The following SLC16A4 variants were observed in gnomAD, a reference collection of about 807,000 sequenced individuals.
SLC16A4 encodes the protein solute carrier family 16 member 4.
A neutral mutation model predicts 47.9 loss-of-function variants in SLC16A4; 39 were observed. The ratio of observed to expected loss-of-function variants is 0.81; its 90% CI spans 0.63 to 1.06. SLC16A4 has a LOEUF of 1.06. SLC16A4 is among the 50% of genes least tolerant of loss of function. The pLI, the probability that SLC16A4 is intolerant of heterozygous loss-of-function variation, is 0.00. For missense variants in SLC16A4, 524 were observed against 573.8 expected (o/e 0.91, Z 0.89); for synonymous variants, 189 against 199.9 (o/e 0.95, Z 0.46).
At position 110,381,156 on chromosome 1, in the gene SLC16A4, C is replaced by G. The variant is rs754449435; in HGVS notation, c.365-13G>C. 6.2e-7 allele frequency: 1 copy of G among 1,612,440 alleles called. No individual in the cohort carries two copies. Among genetic ancestry groups the G allele is most frequent in the Non-Finnish European group, 8.5e-7 (1 of 1,178,846 alleles). On this transcript the variant is annotated splice_polypyrimidine_tract_variant and intron_variant, in intron 4 of 8. Transcript: ENST00000369779. ...GCAGAACCCAAACCTAAAAGAAAAACGTAATAGTTTAGAATCACTCTTACA... is the reference window on the plus strand; with the variant it reads ...GCAGAACCCAAACCTAAAAGAAAAAGGTAATAGTTTAGAATCACTCTTACA...
chr1:110,365,580 T>G (rs1413272593), intron 8 of SLC16A4, among the ~76,000 whole-genome samples: 1 of 152,176 alleles, frequency 6.6e-6, no homozygotes, highest in Non-Finnish European at 1.5e-5. Flanking sequence ...GACAAGTCTT[T>G]GTGTTATGTT....
intron 8 of SLC16A4, chr1:110,373,141 C>T (rs913589377): frequency 3.9e-5 from 6 of 152,000 alleles, no homozygotes; most frequent in African/African-American, 1.4e-4. Flanking sequence ...CTTGTCTTCT[C>T]GGAGTATTGA....
intron 8 of SLC16A4, among the ~76,000 whole-genome samples, chr1:110,366,146 TCTCA>T (rs71806665): frequency 0.4 from 59,975 of 148,666 alleles, 12,298 homozygotes; most frequent in Non-Finnish European, 0.47. Flanking sequence ...TTTCTCTCTC[TCTCA>T]CTCACTCACT....
intron 1 of SLC16A4, among the ~76,000 whole-genome samples, chr1:110,389,845 A>C (rs1662938688): frequency 6.6e-6 from 1 of 152,186 alleles, no homozygotes; most frequent in Admixed American, 6.5e-5. Flanking sequence ...GGAGCTAAAA[A>C]TTGGGTACAT....
intron 5 of SLC16A4, 95 bp from the exon 6 acceptor site, chr1:110,379,451 C>T: frequency 2.6e-6 from 3 of 1,147,448 alleles, no homozygotes; most frequent in Non-Finnish European, 3.7e-6. Flanking sequence ...CTGGCATAGC[C>T]CATTAATTCT....
At chr1:110,366,755 T>C (rs1661422032) in intron 8 of SLC16A4, among the ~76,000 whole-genome samples, 2 of 152,216 alleles carry the variant, frequency 1.3e-5, no homozygotes, top group Non-Finnish European at 2.9e-5. Flanking sequence ...CCCTGTTAAA[T>C]AACTCATGAC....
chr1:110,381,569 C>T, intron 4 of SLC16A4, 83 bp downstream of exon 4: 1 of 1,421,470 alleles, frequency 7.0e-7, no homozygotes, highest in Non-Finnish European at 9.6e-7. Context: ...GATCCACCCA[C>T]TTTGGCCTCC....
At chr1:110,366,332 G>T (rs1419492635) in intron 8 of SLC16A4, among the ~76,000 whole-genome samples, 1 of 151,858 alleles carries the variant, frequency 6.6e-6, no homozygotes, top group Non-Finnish European at 1.5e-5. Context: ...TCATTTTTTT[G>T]TATTTTTAGT....
chr1:110,389,389 C>T, intron 1 of SLC16A4, 34 bp from the exon 2 acceptor site: 2 of 1,219,130 alleles, frequency 1.6e-6, no homozygotes, highest in Non-Finnish European at 2.4e-6. Flanking sequence ...ATTCAGTGGA[C>T]CAGAAACTAA....
At chr1:110,387,036 T>A (rs1266082040) in intron 2 of SLC16A4, among the ~76,000 whole-genome samples, 1 of 152,232 alleles carries the variant, frequency 6.6e-6, no homozygotes, top group Non-Finnish European at 1.5e-5. Flanking sequence ...TAGCTTCTCA[T>A]AGCCTCAAGA....
At chr1:110,375,657 G>T in intron 7 of SLC16A4, 106 bp from the exon 8 acceptor site, 1 of 652,190 alleles carries the variant, frequency 1.5e-6, no homozygotes. Context: ...GCTATGAACA[G>T]TGACTTCTGG....
At chr1:110,365,496 T>G (rs999732064) in intron 8 of SLC16A4, among the ~76,000 whole-genome samples, 2 of 152,230 alleles carry the variant, frequency 1.3e-5, no homozygotes, top group Non-Finnish European at 2.9e-5. Flanking sequence ...TAAGTTGCTT[T>G]TTACTTACTG....
At chr1:110,386,501 C>T (rs1363405487) in intron 2 of SLC16A4, among the ~76,000 whole-genome samples, 2 of 152,030 alleles carry the variant, frequency 1.3e-5, no homozygotes, top group African/African-American at 4.8e-5. Context: ...AGAACTTCTC[C>T]AGTCCCCTCA....
At chr1:110,364,114 T>C (rs915227377) in intron 8 of SLC16A4, among the ~76,000 whole-genome samples, 1 of 152,158 alleles carries the variant, frequency 6.6e-6, no homozygotes, top group African/African-American at 2.4e-5. Context: ...TGGAGAAAAT[T>C]AGGAACACAT....
rs1264988875 is a variant in SLC16A4 at position 110,382,947 on chromosome 1, C to G, written c.107G>C (p.Gly36Ala). The G allele has an allele frequency of 1.2e-6, 2 of 1,610,148 alleles. No individual in the cohort carries two copies. Among genetic ancestry groups the G allele is most frequent in the East Asian group, 4.5e-5 (2 of 44,786 alleles). Residue 36 changes from glycine to alanine, a missense_variant, in exon 3 of 9, where the codon GGG (glycine) becomes GCG (alanine). Gly to Ala is a moderately conservative substitution (Grantham distance 60). Coordinates refer to ENST00000369779, the MANE Select transcript of SLC16A4 (RefSeq NM_004696.3). ...GAAAATTGCAAAAGTCTTGGTCATCCCCATCACAAACACATTCACCTAAAT... is the reference window on the plus strand; with the variant it reads ...GAAAATTGCAAAAGTCTTGGTCATCGCCATCACAAACACATTCACCTAAAT... ...HFFLVNVFVM[G>A]MTKTFAIFFV...
chr1:110,385,288 C>T (rs549888255), intron 2 of SLC16A4, among the ~76,000 whole-genome samples: 44 of 152,170 alleles, frequency 2.9e-4, no homozygotes, highest in Non-Finnish European at 3.5e-4. Flanking sequence ...GTTAAGCTTC[C>T]GCTTTTATGA....
intron 6 of SLC16A4, 105 bp downstream of exon 6, chr1:110,378,748 C>A: frequency 1.4e-6 from 2 of 1,435,970 alleles, no homozygotes; most frequent in Non-Finnish European, 1.9e-6. Context: ...GGCCCTTCTA[C>A]AATTCCTCTT....
In SLC16A4 at chr1:110,379,105, C is replaced by A. The variant is rs774764492; in HGVS notation, c.778G>T (p.Glu260Ter). ...KNLTVSQNQSEEFYNGPNRNR... is the reference protein window; with the variant it reads ...KNLTVSQNQS ...CTGTTAGGCCCATTGTAGAACTCTT[C>A]ACTTTGATTTTGTGAGACTGTTAAA... The change falls in exon 6 of 9, where the codon GAA becomes TAA. Residue 260 changes from glutamate to a stop codon, truncating the protein, a stop_gained. Coordinates refer to ENST00000369779, the MANE Select transcript of SLC16A4 (RefSeq NM_004696.3). LOFTEE classifies it high-confidence loss of function. 1.2e-6 allele frequency: 2 copies of A among 1,614,230 alleles called. No individual in the cohort carries two copies. The highest frequency in any genetic ancestry group is 1.7e-6 in the Non-Finnish European group (2 of 1,180,048).
chr1:110,378,871 A>G lies in SLC16A4; in HGVS notation c.1012T>C (p.Tyr338His), dbSNP rs781396279. Residue 338 changes from tyrosine (Y) to histidine (H), a missense_variant, in exon 6 of 9, where the codon TAC (tyrosine) becomes CAC (histidine). Transcript: ENST00000369779. ...TLGIDIMDAS[Y>H]LVSVAGILET... ...TTCTTACCTGCTACAGAAACAAGGTAAGAGGCATCCATGATGTCAATCCCC... is the reference window on the plus strand; with the variant it reads ...TTCTTACCTGCTACAGAAACAAGGTGAGAGGCATCCATGATGTCAATCCCC... 6 of 1,612,808 alleles carry G rather than the reference A, an allele frequency of 3.7e-6. No individual in the cohort carries two copies. Among genetic ancestry groups the G allele is most frequent in the Non-Finnish European group, 5.1e-6 (6 of 1,179,298 alleles).
Sources: gnomAD v4.1 joint callset for allele counts (sites outside exome capture counted in the v4.1 genomes callset) on GRCh38, gnomAD v4.1.1 for gene constraint, MANE v1.5 for transcripts, NCBI Gene and HGNC (gene_info 2026-07-23, HGNC 2026-07-21) for gene names.